The following PPP1R16B variants were observed in gnomAD, a reference collection of about 807,000 sequenced individuals.
PPP1R16B encodes protein phosphatase 1 regulatory subunit 16B.
PPP1R16B carries 14 observed loss-of-function variants against 61.7 expected under a neutral mutation model. That is an observed-to-expected ratio of 0.23 (90% confidence interval 0.15 to 0.35). The LOEUF is 0.35. Among genes scored for constraint, PPP1R16B ranks in the 10% least tolerant of loss-of-function variants. PPP1R16B has a pLI of 1.00. For synonymous variants in PPP1R16B, 266 were observed against 305.3 expected, an observed-to-expected ratio of 0.87 and a Z score of 1.34; for missense variants, 547 against 752.5, an observed-to-expected ratio of 0.73 and a Z score of 3.19.
At chr20:38,894,753 C>A (rs2085321663) in intron 3 of PPP1R16B, among the ~76,000 whole-genome samples, 2 of 152,204 alleles carry the variant, frequency 1.3e-5, no homozygotes, top group Admixed American at 1.3e-4. Context: ...ATCCTGGTGC[C>A]TAGCTTGACG....
At chr20:38,868,889 T>C (rs2085107491) in intron 2 of PPP1R16B, among the ~76,000 whole-genome samples, 1 of 152,222 alleles carries the variant, frequency 6.6e-6, no homozygotes, top group Admixed American at 6.5e-5. Flanking sequence ...ACATATGGAT[T>C]AGGTAAAATA....
chr20:38,860,951 C>T (rs981517947), intron 2 of PPP1R16B, among the ~76,000 whole-genome samples: 1 of 152,194 alleles, frequency 6.6e-6, no homozygotes, highest in Non-Finnish European at 1.5e-5. Context: ...CACACTGTTA[C>T]TCATGCTCTT....
intron 2 of PPP1R16B, among the ~76,000 whole-genome samples, chr20:38,852,939 A>G (rs1406269359): frequency 6.6e-6 from 1 of 151,650 alleles, no homozygotes; most frequent in Non-Finnish European, 1.5e-5. Context: ...ACGCCCAGCT[A>G]ATTTTTGTAG....
chr20:38,894,325 C>T (rs1458352872), intron 3 of PPP1R16B, among the ~76,000 whole-genome samples: 6 of 152,198 alleles, frequency 3.9e-5, no homozygotes, highest in Admixed American at 3.9e-4. Context: ...CACGGCCGCT[C>T]CTGCTCCTTC....
rs1285524989 is a variant in PPP1R16B at position 38,921,135 on chromosome 20, C to T, written c.*2469C>T. On this transcript the variant is annotated 3_prime_UTR_variant, in exon 11 of 11. Coordinates refer to ENST00000299824, the MANE Select transcript of PPP1R16B (RefSeq NM_015568.4). Reference sequence around the variant, plus strand: ...CTGGGAATCCCAGCTGATTCCCTGACAGGAGCCGACTTCACACACAGGTGA... The same window carrying T: ...CTGGGAATCCCAGCTGATTCCCTGATAGGAGCCGACTTCACACACAGGTGA... 1.3e-5 allele frequency: 2 copies of T among 152,220 alleles called. No individual in the cohort carries two copies. Among genetic ancestry groups the T allele is most frequent in the African/African-American group, 4.8e-5 (2 of 41,458 alleles). 9.4% of individuals were successfully genotyped at this position (152,220 alleles called of 1,614,324 possible).
chr20:38,823,301 C>A (rs2084784070), intron 1 of PPP1R16B, among the ~76,000 whole-genome samples: 1 of 152,158 alleles, frequency 6.6e-6, no homozygotes, highest in Non-Finnish European at 1.5e-5. Context: ...GGAGAGAGGC[C>A]AGTTGCTGTT....
chr20:38,902,636 G>A (rs776842873), intron 5 of PPP1R16B, 32 bp from the exon 6 acceptor site: 2 of 1,613,692 alleles, frequency 1.2e-6, no homozygotes, highest in African/African-American at 2.7e-5. Flanking sequence ...AGGCCTGAGG[G>A]TGCTAAATAA....
chr20:38,846,544 C>T (rs1369593411), intron 2 of PPP1R16B, among the ~76,000 whole-genome samples: 4 of 152,168 alleles, frequency 2.6e-5, no homozygotes, highest in African/African-American at 9.7e-5. Flanking sequence ...AATATTTTGT[C>T]TTATCTTTAT....
intron 10 of PPP1R16B, among the ~76,000 whole-genome samples, chr20:38,912,669 G>T (rs1229203434): frequency 1.3e-5 from 2 of 151,320 alleles, no homozygotes; most frequent in East Asian, 3.9e-4. Flanking sequence ...AGTGAGGCGT[G>T]GTCTCTAAAA....
intron 6 of PPP1R16B, among the ~76,000 whole-genome samples, 169 bp from the exon 7 acceptor site, chr20:38,905,800 A>G (rs1017159708): frequency 3.3e-5 from 5 of 152,312 alleles, no homozygotes; most frequent in Non-Finnish European, 7.4e-5. Context: ...TTTTAAGTCC[A>G]TATTTCAGAC....
intron 2 of PPP1R16B, among the ~76,000 whole-genome samples, chr20:38,878,812 A>G (rs2085185788): frequency 1.3e-5 from 2 of 152,240 alleles, no homozygotes; most frequent in South Asian, 4.1e-4. Context: ...CAGGGCTGGA[A>G]ATATTTTTAT....
At chr20:38,869,661 G>A (rs1446915101) in intron 2 of PPP1R16B, among the ~76,000 whole-genome samples, 1 of 152,162 alleles carries the variant, frequency 6.6e-6, no homozygotes, top group Admixed American at 6.5e-5. Flanking sequence ...AGTCATGCAA[G>A]TGGAATCACA....
chr20:38,844,126 A>G (rs1450033350), intron 2 of PPP1R16B, among the ~76,000 whole-genome samples: 1 of 152,040 alleles, frequency 6.6e-6, no homozygotes, highest in African/African-American at 2.4e-5. Context: ...ACTTTTTTTT[A>G]ATGTAATATA....
At chr20:38,897,609 T>C (rs1314710510) in intron 4 of PPP1R16B, among the ~76,000 whole-genome samples, 4 of 152,214 alleles carry the variant, frequency 2.6e-5, no homozygotes, top group Non-Finnish European at 4.4e-5. Context: ...ATTCCTTTGG[T>C]TATACACCCA....
At chr20:38,823,873 G>T (rs1461297876) in intron 1 of PPP1R16B, among the ~76,000 whole-genome samples, 1 of 151,938 alleles carries the variant, frequency 6.6e-6, no homozygotes, top group East Asian at 1.9e-4. Context: ...TTCCTTCAAG[G>T]ACTCCTCTTA....
At chr20:38,818,131 C>T (rs2084750971) in intron 1 of PPP1R16B, among the ~76,000 whole-genome samples, 1 of 152,240 alleles carries the variant, frequency 6.6e-6, no homozygotes, top group Non-Finnish European at 1.5e-5. Context: ...GTAGCAGATA[C>T]ATCTTGGTTC....
chr20:38,885,308 G>A (rs1040488467), intron 2 of PPP1R16B, among the ~76,000 whole-genome samples: 1 of 152,180 alleles, frequency 6.6e-6, no homozygotes, highest in Non-Finnish European at 1.5e-5. Context: ...GGCCCTGAAA[G>A]AGCTAATCCC....
Position 38,895,812 on chromosome 20 carries a change from CCCTTCCT to C in PPP1R16B, c.467+110_467+116del, listed in dbSNP as rs1568678749. 1.5e-4 allele frequency: 162 copies of C among 1,096,722 alleles called. 6 individuals carry two copies. Among genetic ancestry groups the C allele is most frequent in the East Asian group, 1.1e-3 (34 of 31,428 alleles). The allele number at this position is 1,096,722 out of a possible 1,614,324, so 67.9% of individuals were successfully genotyped here. ...CTCCCTCCTTCCTTCTTTCTCTCCT[CCCTTCCT>C]CCTTCCTTCTTTCTCTCCTCCCTTC... On this transcript the variant is annotated intron_variant, in intron 4 of 10. Transcript: ENST00000299824.
intron 1 of PPP1R16B, among the ~76,000 whole-genome samples, chr20:38,813,565 C>G (rs1285221131): frequency 6.6e-6 from 1 of 152,160 alleles, no homozygotes; most frequent in African/African-American, 2.4e-5. Context: ...CAGTGGCACT[C>G]GGCTAAAGGA....
Sources: gnomAD v4.1 joint callset for allele counts (sites outside exome capture counted in the v4.1 genomes callset) on GRCh38, gnomAD v4.1.1 for gene constraint, MANE v1.5 for transcripts, NCBI Gene and HGNC (gene_info 2026-07-23, HGNC 2026-07-21) for gene names.